MEIS2: variants seen among roughly 807,000 people sequenced by gnomAD.
MEIS2 encodes the protein homeobox protein Meis2.
A neutral mutation model predicts 58.6 loss-of-function variants in MEIS2; 9 were observed. The ratio of observed to expected loss-of-function variants is 0.15; its 90% confidence interval spans 0.09 to 0.27. The LOEUF is 0.27. Ranked by LOEUF, MEIS2 falls within the 10% of genes least tolerant of loss-of-function variation. The pLI, the probability that MEIS2 is intolerant of heterozygous loss-of-function variation, is 1.00. For missense variants in MEIS2, 427 were observed against 635.0 expected (o/e 0.67, Z 3.52); for synonymous variants, 221 against 228.4 (o/e 0.97, Z 0.29).
chr15:36,918,118 A>C (rs1298204598), intron 9 of MEIS2, among the ~76,000 whole-genome samples: 1 of 152,222 alleles, frequency 6.6e-6, no homozygotes, highest in Non-Finnish European at 1.5e-5. Context: ...AACAAGCCAC[A>C]TTTGTCAAAT....
At chr15:36,959,525 G>A (rs2059108680) in intron 8 of MEIS2, among the ~76,000 whole-genome samples, 1 of 152,120 alleles carries the variant, frequency 6.6e-6, no homozygotes, top group African/African-American at 2.4e-5. Context: ...TGAATTCTTT[G>A]CATCCCCAAA....
At chr15:36,907,092 A>C (rs1263947758) in intron 9 of MEIS2, among the ~76,000 whole-genome samples, 2 of 152,246 alleles carry the variant, frequency 1.3e-5, no homozygotes, top group African/African-American at 4.8e-5. Flanking sequence ...AGAGTTTTTA[A>C]AACTGGAATA....
intron 1 of MEIS2, chr15:37,099,185 A>C: frequency 7.2e-7 from 1 of 1,398,124 alleles, no homozygotes; most frequent in South Asian, 1.6e-5. Flanking sequence ...ACACACACAC[A>C]CCACTCACAC....
intron 8 of MEIS2, among the ~76,000 whole-genome samples, chr15:37,031,511 G>A (rs1291104657): frequency 6.7e-6 from 1 of 150,240 alleles, no homozygotes; most frequent in Non-Finnish European, 1.5e-5. Context: ...TGAACTCGGT[G>A]GAGAGACAGG....
At chr15:36,937,394 T>A (rs2058215829) in intron 9 of MEIS2, among the ~76,000 whole-genome samples, 1 of 152,200 alleles carries the variant, frequency 6.6e-6, no homozygotes, top group Admixed American at 6.5e-5. Flanking sequence ...TGACCTGGTA[T>A]GTGAGTTTGT....
chr15:37,047,947 T>A (rs925430197), intron 7 of MEIS2, among the ~76,000 whole-genome samples: 3 of 152,234 alleles, frequency 2.0e-5, no homozygotes, highest in African/African-American at 7.2e-5. Flanking sequence ...TGCAAAATAT[T>A]GTCACACAAA....
chr15:37,018,646 T>C (rs1241558760), intron 8 of MEIS2, among the ~76,000 whole-genome samples: 1 of 152,190 alleles, frequency 6.6e-6, no homozygotes, highest in Non-Finnish European at 1.5e-5. Flanking sequence ...CTTCTTGAAA[T>C]ACCTAAGAAT....
At chr15:36,988,115 G>A (rs1262921879) in intron 8 of MEIS2, among the ~76,000 whole-genome samples, 7 of 152,076 alleles carry the variant, frequency 4.6e-5, no homozygotes, top group Non-Finnish European at 7.4e-5. Flanking sequence ...TAGATTTGAG[G>A]TTCTCTTACC....
At position 36,960,647 on chromosome 15, in the gene MEIS2, C is replaced by T. The variant is rs1317918734; in HGVS notation, c.901-10247G>A. Among the ~76,000 whole-genome samples, 3 of 152,116 alleles carry T rather than the reference C, an allele frequency of 2.0e-5. No individual in the cohort carries two copies. The East Asian group carries it at 5.8e-4, about 29-fold the overall frequency. ...TTTTTCTAACATACACAGAGAGCTT[C>T]TTTCTGCATATAAATGAGTGTTTCA... is the stretch of plus-strand genomic sequence containing the variant. On this transcript the variant is annotated intron_variant, in intron 8 of 11. Coordinates refer to ENST00000561208, the MANE Select transcript of MEIS2 (RefSeq NM_170675.5).
rs373740697 is a variant in MEIS2, at chr15:36,936,536, A to C, written c.977+13788T>G. On this transcript the variant is annotated intron_variant, in intron 9 of 11. Transcript: ENST00000561208. ...TCCTTTCCTGAGCACAGGCTTGTCC[A>C]AAAGTGAGTGCAATTGAGTTTTGGT... 7.9e-5 allele frequency among the ~76,000 whole-genome samples: 12 copies of C among 152,342 alleles called. No homozygotes were observed. The East Asian group carries it at 1.9e-3, about 24-fold the overall frequency.
intron 3 of MEIS2, chr15:37,095,955 G>A (rs866438245): frequency 1.1e-5 from 5 of 446,286 alleles, no homozygotes; most frequent in Admixed American, 7.1e-5. Flanking sequence ...CTTGCCTCCC[G>A]GGCACTCCCG....
intron 8 of MEIS2, among the ~76,000 whole-genome samples, chr15:37,000,533 G>A (rs1484393553): frequency 2.0e-5 from 3 of 152,092 alleles, no homozygotes; most frequent in African/African-American, 7.2e-5. Flanking sequence ...CTACTTAAAT[G>A]AAATAACCAA....
chr15:37,097,300 G>C (rs1289770137), intron 2 of MEIS2: 3 of 152,126 alleles, frequency 2.0e-5, no homozygotes, highest in African/African-American at 7.2e-5. Context: ...TGTGGTACAC[G>C]TTAGGATCGT....
intron 9 of MEIS2, among the ~76,000 whole-genome samples, chr15:36,904,639 T>TTC (rs68064355): frequency 4.0e-3 from 90 of 22,690 alleles, no homozygotes; most frequent in Middle Eastern, 0.013. Flanking sequence ...CATTTTCTTC[T>TTC]TTTTTTTTTT....
At chr15:37,093,534 G>T in intron 6 of MEIS2, 47 bp downstream of exon 6, 1 of 1,604,600 alleles carries the variant, frequency 6.2e-7, no homozygotes, top group Non-Finnish European at 8.5e-7. Flanking sequence ...TTAAAATAAT[G>T]CTTTGCCCAG....
At chr15:36,987,887 T>C (rs1045741462) in intron 8 of MEIS2, among the ~76,000 whole-genome samples, 2 of 152,190 alleles carry the variant, frequency 1.3e-5, no homozygotes, top group African/African-American at 4.8e-5. Flanking sequence ...ACTGTTTGCA[T>C]TGAACATCAG....
intron 8 of MEIS2, among the ~76,000 whole-genome samples, chr15:37,025,676 G>C (rs1567196945): frequency 6.8e-6 from 1 of 147,324 alleles, no homozygotes; most frequent in Non-Finnish European, 1.5e-5. Flanking sequence ...GGGGTATTTG[G>C]AATAGCCATG....
chr15:37,086,480 G>C (rs554393801), intron 6 of MEIS2, among the ~76,000 whole-genome samples: 1 of 152,272 alleles, frequency 6.6e-6, no homozygotes, highest in East Asian at 1.9e-4. Flanking sequence ...AAGAGCAGCT[G>C]GTTCTTCCAA....
At chr15:36,954,450 ATTG>A (rs2058881139) in intron 8 of MEIS2, among the ~76,000 whole-genome samples, 1 of 147,940 alleles carries the variant, frequency 6.8e-6, no homozygotes, top group Admixed American at 6.8e-5. Flanking sequence ...ATTATAATTA[ATTG>A]TAATTATATA....
Sources: gnomAD v4.1 joint callset for allele counts (sites outside exome capture counted in the v4.1 genomes callset) on GRCh38, gnomAD v4.1.1 for gene constraint, MANE v1.5 for transcripts, NCBI Gene and HGNC (gene_info 2026-07-23, HGNC 2026-07-21) for gene names.